Variants in ATXN7 observed in about 807,000 individuals in gnomAD.
The protein encoded by ATXN7 is ataxin 7.
A neutral mutation model predicts 70.5 loss-of-function variants in ATXN7; 12 were observed. That is an observed-to-expected ratio of 0.17 (90% confidence interval 0.11 to 0.28). ATXN7 has a LOEUF of 0.28. Ranked by LOEUF, ATXN7 falls within the 10% of genes least tolerant of loss-of-function variation. The pLI, the probability that ATXN7 is intolerant of heterozygous loss-of-function variation, is 1.00. For missense variants in ATXN7, 1,256 were observed against 1,131.7 expected (o/e 1.11, Z -1.58); for synonymous variants, 498 against 448.7 (o/e 1.11, Z -1.39).
chr3:63,939,093 C>T (rs1305170258), intron 4 of ATXN7, among the ~76,000 whole-genome samples: 2 of 151,840 alleles, frequency 1.3e-5, no homozygotes, highest in Non-Finnish European at 2.9e-5. Context: ...AAGATGATGG[C>T]TTCTTTGGTA....
chr3:63,954,800 CT>C (rs1218911763), intron 5 of ATXN7, among the ~76,000 whole-genome samples: 2 of 150,702 alleles, frequency 1.3e-5, no homozygotes, highest in African/African-American at 4.9e-5. Flanking sequence ...CCTCTGCCTC[CT>C]GGGTTCAAGC....
At chr3:63,876,948 T>C (rs544154460) in intron 1 of ATXN7, among the ~76,000 whole-genome samples, 1 of 152,226 alleles carries the variant, frequency 6.6e-6, no homozygotes. Flanking sequence ...ATTAAAATAG[T>C]GAACTTTGAC....
intron 5 of ATXN7, among the ~76,000 whole-genome samples, chr3:63,963,871 A>G (rs2075173837): frequency 1.3e-5 from 2 of 152,168 alleles, no homozygotes; most frequent in South Asian, 4.1e-4. Context: ...ATAGAGTCTC[A>G]GGAAGGGATT....
At chr3:63,938,533 G>A (rs2074702798) in intron 4 of ATXN7, among the ~76,000 whole-genome samples, 1 of 152,088 alleles carries the variant, frequency 6.6e-6, no homozygotes, top group Non-Finnish European at 1.5e-5. Flanking sequence ...GTACACATGG[G>A]TTTTATGCAT....
rs759640923 is a variant in ATXN7, at chr3:63,990,387, T to A, written c.1560+13T>A. On this transcript the variant is annotated intron_variant, in intron 10 of 12. Transcript: ENST00000674280. Reference sequence around the variant, plus strand: ...TCAGCCAGCATCTGTAAGTTCCACGTCCACCCCCGCGTTGACCCTCCCCAC... The same window carrying A: ...TCAGCCAGCATCTGTAAGTTCCACGACCACCCCCGCGTTGACCCTCCCCAC... 50 of 1,613,906 alleles carry A rather than the reference T, an allele frequency of 3.1e-5. No individual in the cohort carries two copies. The highest frequency in any genetic ancestry group is 3.9e-5 in the Non-Finnish European group (46 of 1,179,968).
At chr3:63,971,783 ATATAT>A (rs1180380835) in intron 5 of ATXN7, among the ~76,000 whole-genome samples, 2 of 152,336 alleles carry the variant, frequency 1.3e-5, no homozygotes, top group East Asian at 1.9e-4. Context: ...ATTTTAAAAA[ATATAT>A]TAAGTAAATA....
In ATXN7 at chr3:63,996,280, G is replaced by A. The variant is rs772199550; in HGVS notation, c.2458G>A (p.Gly820Ser). ...CAATGAACTGCCTGTCAACTCCCACGGCAGTTTTTCCCACTCACACACTCC... is the reference window on the plus strand; with the variant it reads ...CAATGAACTGCCTGTCAACTCCCACAGCAGTTTTTCCCACTCACACACTCC... ...QSNELPVNSH[G>S]SFSHSHTPLD... is the part of the protein sequence containing the mutation. The change falls in exon 12 of 13, where the codon GGC becomes AGC. Residue 820 changes from glycine to serine, a missense_variant. Gly to Ser is a moderately conservative substitution (Grantham distance 56). Coordinates refer to ENST00000674280, the MANE Select transcript of ATXN7 (RefSeq NM_001377405.1). 1.6e-5 allele frequency: 26 copies of A among 1,613,942 alleles called. No individual in the cohort carries two copies. The Admixed American group carries it at 1.7e-4, about 10-fold the overall frequency.
chr3:63,987,960 T>G, intron 8 of ATXN7, 99 bp from the exon 9 acceptor site: 1 of 1,427,380 alleles, frequency 7.0e-7, no homozygotes, highest in Non-Finnish European at 9.6e-7. Flanking sequence ...ATGCTTATGG[T>G]CTAGATTGCT....
At position 64,002,408 on chromosome 3, in the gene ATXN7, T is replaced by C. The variant is rs1236201786; in HGVS notation, c.*2941T>C. On this transcript the variant is annotated 3_prime_UTR_variant, in exon 13 of 13. Transcript: ENST00000674280. ...AGATGAAGTGGGCATTGCTTCTTCC[T>C]GGTTGCCTGGTTTCCCGATAGACTA... is the stretch of plus-strand genomic sequence containing the variant. 11 of 152,694 alleles carry C rather than the reference T, an allele frequency of 7.2e-5. No individual in the cohort carries two copies. The highest frequency in any genetic ancestry group is 6.5e-4 in the Admixed American group (10 of 15,292). The allele number at this position is 152,694 out of a possible 1,614,324, so 9.5% of individuals were successfully genotyped here. A position where few individuals can be genotyped will look rare whatever the true frequency, so the allele number is the denominator to read the frequency against.
At chr3:63,988,938 T>G (rs1255670203) in intron 9 of ATXN7, among the ~76,000 whole-genome samples, 1 of 152,172 alleles carries the variant, frequency 6.6e-6, no homozygotes, top group Non-Finnish European at 1.5e-5. Flanking sequence ...TGTACCTAGT[T>G]TCCAGAGGGA....
At chr3:63,953,632 A>G (rs1255992278) in intron 5 of ATXN7, among the ~76,000 whole-genome samples, 1 of 151,906 alleles carries the variant, frequency 6.6e-6, no homozygotes, top group African/African-American at 2.4e-5. Context: ...AGAGCTAGGA[A>G]GACTGCATAG....
At chr3:63,956,420 CAAAAAAAAAAAA>C (rs1175948780) in intron 5 of ATXN7, among the ~76,000 whole-genome samples, 5 of 36,694 alleles carry the variant, frequency 1.4e-4, no homozygotes, top group Admixed American at 7.8e-4. Context: ...GACTGCATCT[CAAAAAAAAAAAA>C]AAAAAAAAAA....
rs73117084 is a variant in ATXN7 at position 63,962,910 on chromosome 3, T to A, written c.499+10427T>A. Among the ~76,000 whole-genome samples the A allele has an allele frequency of 3.6e-3, 360 of 100,674 alleles. 1 individual carries two copies. The highest frequency in any genetic ancestry group is 0.012 in the East Asian group (22 of 1,896). The allele number at this position is 100,674 out of a possible 152,430, so 66.0% of individuals were successfully genotyped here. On this transcript the variant is annotated intron_variant, in intron 5 of 12. Transcript: ENST00000674280. ...TGTAATACCAGAATTTTGTATTTCT[T>A]TTTTTTTTTTTTTTTTCTTCTTCAA...
intron 12 of ATXN7, chr3:63,997,703 A>G (rs1171552143): frequency 6.4e-7 from 1 of 1,551,056 alleles, no homozygotes; most frequent in Admixed American, 2.0e-5. Context: ...GCTCTTTTTC[A>G]TGATTTTTTT....
At chr3:63,863,748 G>A, upstream of ATXN7, 2 of 1,250,490 alleles carry the variant, frequency 1.6e-6, no homozygotes. Flanking sequence ...CAGCGGGCGC[G>A]TGTGGCGGCG....
chr3:63,912,024 G>C (rs987855222), intron 2 of ATXN7: 7 of 152,272 alleles, frequency 4.6e-5, no homozygotes, highest in Admixed American at 6.5e-5. Context: ...AAACTTCGCC[G>C]GAGCGAGCTG....
chr3:63,875,911 T>A (rs1489467696), intron 1 of ATXN7, among the ~76,000 whole-genome samples: 1 of 152,212 alleles, frequency 6.6e-6, no homozygotes, highest in Non-Finnish European at 1.5e-5. Context: ...GTGGTTCTTG[T>A]TTGGCCAGAC....
At chr3:63,872,604 A>G (rs1200848502) in intron 1 of ATXN7, among the ~76,000 whole-genome samples, 2 of 152,240 alleles carry the variant, frequency 1.3e-5, no homozygotes, top group African/African-American at 4.8e-5. Flanking sequence ...GCAAGTCACA[A>G]GGCCAACTCA....
chr3:63,935,776 C>G (rs2074651679), intron 4 of ATXN7, among the ~76,000 whole-genome samples: 1 of 151,958 alleles, frequency 6.6e-6, no homozygotes, highest in African/African-American at 2.4e-5. Flanking sequence ...TCAATAGTCA[C>G]TGTTTTGCCC....
Sources: allele counts gnomAD v4.1 joint callset (sites outside exome capture counted in the v4.1 genomes callset), GRCh38; gene constraint gnomAD v4.1.1; transcripts MANE v1.5; gene names NCBI Gene and HGNC (gene_info 2026-07-23, HGNC 2026-07-21).